SIM1: variants seen among roughly 807,000 people sequenced by gnomAD.
The protein encoded by SIM1 is SIM bHLH transcription factor 1.
In SIM1, 18 loss-of-function variants were observed where a neutral mutation model predicts 78.2. The observed-to-expected ratio is 0.23, with a 90% confidence interval of 0.16 to 0.34. SIM1 has a LOEUF of 0.34. Ranked by LOEUF, SIM1 falls within the 10% of genes least tolerant of loss-of-function variation. The pLI, the probability that SIM1 is intolerant of heterozygous loss-of-function variation, is 1.00. For synonymous variants in SIM1, 417 were observed against 385.2 expected, an observed-to-expected ratio of 1.08 and a Z score of -0.97; for missense variants, 939 against 975.1, an observed-to-expected ratio of 0.96 and a Z score of 0.49.
Position 100,390,789 on chromosome 6 carries a change from C to A in SIM1, c.1873G>T (p.Ala625Ser). Residue 625 changes from alanine (A) to serine (S), a missense_variant, in exon 12 of 12, where the codon GCC (alanine) becomes TCC (serine). Physicochemically the swap from Ala to Ser is moderately conservative, Grantham distance 99. Transcript: ENST00000369208. ...ATATGGTCACATGGTGAAGTGTTGG[C>A]AAGAGCAGAGCCATGGCAGACTTCA... ...TGEVCHGSAL[A>S]NTSPCDHIQQ... is the part of the protein sequence containing the mutation. The A allele has an allele frequency of 6.2e-7, 1 of 1,614,104 alleles. No individual in the cohort carries two copies. The highest frequency in any genetic ancestry group is 1.3e-5 in the African/African-American group (1 of 75,020).
rs373617197 is a variant in SIM1 at position 100,390,600 on chromosome 6, C to T, written c.2062G>A (p.Ala688Thr). Residue 688 changes from alanine (A) to threonine (T), a missense_variant, in exon 12 of 12, where the codon GCA becomes ACA. By Grantham distance (58) the Ala-to-Thr change is moderately conservative (BLOSUM62 0). Around this residue, in one of 5 missense-constraint regions of SIM1, gnomAD observed 556 missense variants for 521.9 expected, o/e 1.07. Coordinates refer to ENST00000369208, the MANE Select transcript of SIM1 (RefSeq NM_005068.3). The stretch of plus-strand genomic sequence containing the variant: ...GGAGAGACAGTAGGGTGGTCTCCTG[C>T]TGTCTGATGAGGAGATATATCCGAA... ...LHSDISPHQT[A>T]GDHPTVSPNC... 3.7e-6 allele frequency: 6 copies of T among 1,614,210 alleles called. No homozygotes were observed. The highest frequency in any genetic ancestry group is 5.1e-6 in the Non-Finnish European group (6 of 1,180,038).
rs1445263477 is a variant in SIM1, at chr6:100,385,954, G to A, written c.*4407C>T. The A allele has an allele frequency of 1.3e-5, 2 of 151,926 alleles. No individual in the cohort carries two copies. The highest frequency in any genetic ancestry group is 1.3e-4 in the Admixed American group (2 of 15,246). The allele number at this position is 151,926 out of a possible 1,614,324, so 9.4% of individuals were successfully genotyped here. The stretch of plus-strand genomic sequence containing the variant: ...TTTCTATGTCTGATACCTTTTGCAT[G>A]TGTCCATAACTGTTGTCATTCATTT... On this transcript the variant is annotated 3_prime_UTR_variant, in exon 12 of 12. Coordinates refer to ENST00000369208, the MANE Select transcript of SIM1 (RefSeq NM_005068.3).
chr6:100,403,404 T>A (rs1770976848), intron 10 of SIM1, among the ~76,000 whole-genome samples: 1 of 152,238 alleles, frequency 6.6e-6, no homozygotes, highest in Non-Finnish European at 1.5e-5. Context: ...AGCCATCCTT[T>A]GGGGCTTAAT....
rs1352649071 is a variant in SIM1 at position 100,463,471 on chromosome 6, T to C, written c.-3A>G. ...GCATTTTTGGACTTTTCTTTCATTGTGTCTTGTTCCCCCTTTCTTCTCACA... is the reference window on the plus strand; with the variant it reads ...GCATTTTTGGACTTTTCTTTCATTGCGTCTTGTTCCCCCTTTCTTCTCACA... On this transcript the variant is annotated 5_prime_UTR_variant, in exon 2 of 12. Transcript: ENST00000369208. The C allele has an allele frequency of 3.8e-6, 6 of 1,596,548 alleles. No individual in the cohort carries two copies. In the East Asian group the frequency reaches 1.1e-4, roughly 30 times the overall value.
intron 2 of SIM1, among the ~76,000 whole-genome samples, chr6:100,457,989 GCTGT>G (rs1351037280): frequency 1.4e-5 from 2 of 144,156 alleles, no homozygotes; most frequent in African/African-American, 2.6e-5. Flanking sequence ...AGGTCACACC[GCTGT>G]CTGTCTCTCT....
intron 10 of SIM1, among the ~76,000 whole-genome samples, chr6:100,398,143 A>G (rs1435958046): frequency 2.0e-5 from 3 of 152,124 alleles, no homozygotes; most frequent in African/African-American, 7.2e-5. Context: ...ACTATATGTA[A>G]TCCTGGAAAT....
intron 10 of SIM1, among the ~76,000 whole-genome samples, chr6:100,412,497 A>T (rs1003535569): frequency 6.7e-6 from 1 of 149,694 alleles, no homozygotes; most frequent in Admixed American, 6.7e-5. Flanking sequence ...AGACAGTGCC[A>T]CTGTACTCGA....
At chr6:100,392,609 C>T (rs1770668983) in intron 11 of SIM1, among the ~76,000 whole-genome samples, 1 of 152,184 alleles carries the variant, frequency 6.6e-6, no homozygotes, top group South Asian at 2.1e-4. Context: ...TAAAATTACT[C>T]AGCTTCTGAG....
chr6:100,440,032 A>G (rs1292621667), intron 9 of SIM1, among the ~76,000 whole-genome samples: 1 of 152,226 alleles, frequency 6.6e-6, no homozygotes, highest in Non-Finnish European at 1.5e-5. Flanking sequence ...TTGAGGATAC[A>G]GAAAGTCAAG....
chr6:100,449,324 C>T lies in SIM1; in HGVS notation c.543+39G>A, dbSNP rs752849259. 5.7e-6 allele frequency: 9 copies of T among 1,566,888 alleles called. No homozygotes were observed. The African/African-American group carries it at 1.1e-4, about 19-fold the overall frequency. On this transcript the variant is annotated intron_variant, in intron 6 of 11. Transcript: ENST00000369208. ...GCCGCACGCGCCTTGCTTCCCGCCT[C>T]CTCTGACTCCACCCGGAGCGGATCT...
At position 100,390,198 on chromosome 6, in the gene SIM1, C is replaced by T. The variant is rs1253139850; in HGVS notation, c.*163G>A. 2 of 732,198 alleles carry T rather than the reference C, an allele frequency of 2.7e-6. No individual in the cohort carries two copies. The highest frequency in any genetic ancestry group is 4.4e-6 in the Non-Finnish European group (2 of 457,716). The allele number at this position is 732,198 out of a possible 1,614,324, so 45.4% of individuals were successfully genotyped here. A position where few individuals can be genotyped will look rare whatever the true frequency, so the allele number is the denominator to read the frequency against. ...CCTTTTCTGTGTATAACCCTGAATG[C>T]TAGTGCTATGTTTTCTTTGATTTTA... On this transcript the variant is annotated 3_prime_UTR_variant, in exon 12 of 12. Coordinates refer to ENST00000369208, the MANE Select transcript of SIM1 (RefSeq NM_005068.3).
chr6:100,391,790 C>G (rs1418542230), intron 11 of SIM1, among the ~76,000 whole-genome samples: 2 of 152,202 alleles, frequency 1.3e-5, no homozygotes, highest in Non-Finnish European at 2.9e-5. Context: ...CAAATAAAAA[C>G]ATAAATATTA....
At chr6:100,412,743 GAAAGAAAGAAAAAAGAAAAGA>G (rs1771285026) in intron 10 of SIM1, among the ~76,000 whole-genome samples, 1 of 129,948 alleles carries the variant, frequency 7.7e-6, no homozygotes, top group Non-Finnish European at 1.7e-5. Flanking sequence ...AAGAAAGAAA[GAAAGAAAGAAAAAAGAAAAGA>G]AAAAGAAAGG....
chr6:100,452,408 C>G (rs1772535397), intron 3 of SIM1, among the ~76,000 whole-genome samples: 1 of 152,160 alleles, frequency 6.6e-6, no homozygotes, highest in Non-Finnish European at 1.5e-5. Flanking sequence ...GATTGCCCCT[C>G]CTAAATTTGC....
chr6:100,385,785 A>G lies in SIM1; in HGVS notation c.*4576T>C, dbSNP rs774653164. 1 of 149,828 alleles carries G rather than the reference A, an allele frequency of 6.7e-6. No individual in the cohort carries two copies. The highest frequency in any genetic ancestry group is 1.5e-5 in the Non-Finnish European group (1 of 67,452). 9.3% of individuals were successfully genotyped at this position (149,828 alleles called of 1,614,324 possible). On this transcript the variant is annotated 3_prime_UTR_variant, in exon 12 of 12. Transcript: ENST00000369208. Reference sequence around the variant, plus strand: ...TTTCTGTGTGCGTATGTGTGTGTGTATGCTTTCTGCATACAGTCCTAGAGA... The same window carrying G: ...TTTCTGTGTGCGTATGTGTGTGTGTGTGCTTTCTGCATACAGTCCTAGAGA...
In SIM1 at chr6:100,390,782, G is replaced by T; in HGVS notation, c.1880C>A (p.Thr627Asn). The T allele has an allele frequency of 9.9e-6, 16 of 1,614,178 alleles. No individual in the cohort carries two copies. Among genetic ancestry groups the T allele is most frequent in the Non-Finnish European group, 1.4e-5 (16 of 1,180,028 alleles). The change falls in exon 12 of 12, where the codon ACT (threonine) becomes AAT (asparagine). Residue 627 changes from threonine (T) to asparagine (N), a missense_variant. Physicochemically the swap from Thr to Asn is moderately conservative, Grantham distance 65. Coordinates refer to ENST00000369208, the MANE Select transcript of SIM1 (RefSeq NM_005068.3). ...CTGCTGGATATGGTCACATGGTGAA[G>T]TGTTGGCAAGAGCAGAGCCATGGCA... ...EVCHGSALAN[T>N]SPCDHIQQRE...
At chr6:100,396,861 T>C (rs538172628) in intron 10 of SIM1, among the ~76,000 whole-genome samples, 1 of 152,158 alleles carries the variant, frequency 6.6e-6, no homozygotes. Flanking sequence ...CCAGCCAATA[T>C]ATGTAGTGTG....
intron 10 of SIM1, among the ~76,000 whole-genome samples, chr6:100,406,788 T>G (rs1313204953): frequency 3.3e-5 from 5 of 152,192 alleles, no homozygotes; most frequent in African/African-American, 1.2e-4. Flanking sequence ...CACAAACAAG[T>G]TTGTTAACAC....
chr6:100,460,961 G>A (rs1417827477), intron 2 of SIM1, among the ~76,000 whole-genome samples: 1 of 152,110 alleles, frequency 6.6e-6, no homozygotes, highest in African/African-American at 2.4e-5. Flanking sequence ...GGTGAGTTAT[G>A]AGCTCAACAG....
Sources: gnomAD v4.1 joint callset for allele counts (sites outside exome capture counted in the v4.1 genomes callset) on GRCh38, gnomAD v4.1.1 for gene constraint, gnomAD v4.1.1 regional missense constraint, MANE v1.5 for transcripts, NCBI Gene and HGNC (gene_info 2026-07-23, HGNC 2026-07-21) for gene names.